The following ARHGEF28 variants were observed in gnomAD, a reference collection of about 807,000 sequenced individuals.
The protein encoded by ARHGEF28 is 190 kDa guanine nucleotide exchange factor.
In ARHGEF28, 152 loss-of-function variants were observed where a neutral mutation model predicts 206.6. The observed-to-expected ratio is 0.74, with a 90% CI of 0.64 to 0.84. The LOEUF (loss-of-function observed/expected upper bound fraction) is 0.84. Among genes scored for constraint, ARHGEF28 ranks in the 40% least tolerant of loss-of-function variants. The pLI is 0.00. For synonymous variants in ARHGEF28, 763 were observed against 776.4 expected, an observed-to-expected ratio of 0.98 and a Z score of 0.29; for missense variants, 2,028 against 2,073.2, an observed-to-expected ratio of 0.98 and a Z score of 0.42.
intron 3 of ARHGEF28, 39 bp from the exon 4 acceptor site, chr5:73,752,870 A>C: frequency 6.2e-7 from 1 of 1,609,830 alleles, no homozygotes; most frequent in South Asian, 1.1e-5. Context: ...AGCATCTCCT[A>C]CAGACTTGGG....
chr5:73,813,357 C>T (rs995333177), intron 9 of ARHGEF28: 1 of 389,748 alleles, frequency 2.6e-6, no homozygotes, highest in African/African-American at 2.2e-5. Context: ...CCCTCCTTTA[C>T]TTCCCTAGTT....
intron 14 of ARHGEF28, among the ~76,000 whole-genome samples, chr5:73,857,225 A>T (rs1327741314): frequency 6.6e-6 from 1 of 152,166 alleles, no homozygotes; most frequent in Non-Finnish European, 1.5e-5. Flanking sequence ...AATAAAATCC[A>T]GTTGCATATT....
At chr5:73,922,774 G>A (rs933617849) in intron 35 of ARHGEF28, among the ~76,000 whole-genome samples, 11 of 152,084 alleles carry the variant, frequency 7.2e-5, no homozygotes, top group Admixed American at 2.0e-4. Context: ...GGTTTTCAAA[G>A]CTGTTTTACT....
At chr5:73,810,280 A>T (rs996025881) in intron 9 of ARHGEF28, among the ~76,000 whole-genome samples, 1 of 152,222 alleles carries the variant, frequency 6.6e-6, no homozygotes. Context: ...TTATTTTCAC[A>T]TATGTCAGTT....
chr5:73,933,920 G>GT (rs398064906), intron 35 of ARHGEF28, among the ~76,000 whole-genome samples: 3,343 of 139,894 alleles, frequency 0.024, 73 homozygotes, highest in African/African-American at 0.059. Flanking sequence ...TCTCATAAAT[G>GT]TTTTTTTTTT....
intron 30 of ARHGEF28, chr5:73,898,385 A>T (rs1389343874): frequency 4.9e-6 from 1 of 205,356 alleles, no homozygotes; most frequent in Non-Finnish European, 1.0e-5. Flanking sequence ...CTCATTTTTG[A>T]TATGATTTAT....
chr5:73,693,057 C>T (rs1747942444), intron 2 of ARHGEF28, among the ~76,000 whole-genome samples: 1 of 152,232 alleles, frequency 6.6e-6, no homozygotes, highest in Non-Finnish European at 1.5e-5. Flanking sequence ...GGGAGATTGA[C>T]TGGCTTGACT....
intron 7 of ARHGEF28, among the ~76,000 whole-genome samples, chr5:73,782,148 A>AAG (rs1372191167): frequency 6.7e-6 from 1 of 150,276 alleles, no homozygotes; most frequent in Admixed American, 6.6e-5. Flanking sequence ...AAAAAAAAAA[A>AAG]GTAGTCTTGG....
intron 29 of ARHGEF28, among the ~76,000 whole-genome samples, chr5:73,897,181 C>T (rs745391616): frequency 1.3e-5 from 2 of 152,162 alleles, no homozygotes; most frequent in Admixed American, 6.5e-5. Context: ...AAACATATTC[C>T]GAATCCTAAT....
In ARHGEF28 at chr5:73,692,617, A is replaced by G. The variant is rs964351886; in HGVS notation, c.33+7733A>G. 2.6e-5 allele frequency among the ~76,000 whole-genome samples: 4 copies of G among 152,144 alleles called. No individual in the cohort carries two copies. In the South Asian group the frequency reaches 8.3e-4, roughly 32 times the overall value. On this transcript the variant is annotated intron_variant, in intron 2 of 35. Transcript: ENST00000513042. ...GAGGTAGTGGGGGAAACTCTATCCT[A>G]TTCAGCCTTTTCTAATTTCTGGATG...
intron 9 of ARHGEF28, among the ~76,000 whole-genome samples, chr5:73,812,273 T>C (rs865829865): frequency 1.3e-5 from 2 of 152,296 alleles, no homozygotes; most frequent in African/African-American, 4.8e-5. Flanking sequence ...TTACACAGCG[T>C]GGCACAGTAG....
chr5:73,924,780 G>T (rs1763708523), intron 35 of ARHGEF28, among the ~76,000 whole-genome samples: 2 of 152,260 alleles, frequency 1.3e-5, no homozygotes, highest in South Asian at 4.2e-4. Context: ...AACTTCTACT[G>T]TGCTCCTGTG....
chr5:73,671,738 A>ATTTTT (rs1172905776), intron 1 of ARHGEF28, among the ~76,000 whole-genome samples: 4 of 9,908 alleles, frequency 4.0e-4, no homozygotes, highest in Admixed American at 1.7e-3. Context: ...ATATATATAT[A>ATTTTT]TTTTTTTTTT....
intron 1 of ARHGEF28, among the ~76,000 whole-genome samples, chr5:73,629,824 C>T (rs1429504821): frequency 2.0e-5 from 3 of 152,122 alleles, no homozygotes; most frequent in Admixed American, 2.0e-4. Context: ...GAGGTGTTTT[C>T]TCTTGTTTTA....
chr5:73,848,268 T>C (rs1201632988), intron 12 of ARHGEF28, among the ~76,000 whole-genome samples: 1 of 152,144 alleles, frequency 6.6e-6, no homozygotes, highest in Non-Finnish European at 1.5e-5. Context: ...TGCATTTTCA[T>C]GTATGTTGCC....
chr5:73,794,446 G>T lies in ARHGEF28; in HGVS notation c.955G>T (p.Asp319Tyr), dbSNP rs1380746926. The T allele has an allele frequency of 2.5e-6, 4 of 1,600,392 alleles. No homozygotes were observed. The African/African-American group carries it at 5.4e-5, about 21-fold the overall frequency. ...VSSRSAAEKE[D>Y]IKRVKSLVVQ... ...CAGCAGATCAGCAGCTGAAAAGGAA[G>T]ATATAAAGGTAATGAATGACTCCCT... Residue 319 changes from aspartate to tyrosine, a missense_variant, in exon 8 of 36, where the codon GAT becomes TAT. By Grantham distance (160) the Asp-to-Tyr change is radical (BLOSUM62 -3). Transcript: ENST00000513042.
intron 11 of ARHGEF28, among the ~76,000 whole-genome samples, chr5:73,841,655 A>G (rs960775157): frequency 6.6e-6 from 1 of 151,654 alleles, no homozygotes; most frequent in African/African-American, 2.4e-5. Context: ...CAGTGAGCCA[A>G]GATGGCACCA....
At chr5:73,771,296 A>G (rs1267359643) in intron 4 of ARHGEF28, among the ~76,000 whole-genome samples, 38 of 152,232 alleles carry the variant, frequency 2.5e-4, no homozygotes, top group Non-Finnish European at 5.9e-5. Flanking sequence ...TAATCCCAGC[A>G]CTTTGGGAGG....
intron 14 of ARHGEF28, 65 bp downstream of exon 14, chr5:73,852,757 T>C: frequency 6.5e-7 from 1 of 1,528,996 alleles, no homozygotes; most frequent in Non-Finnish European, 9.1e-7. Flanking sequence ...TGTCCACACA[T>C]CATTTTTGCT....
Sources: gnomAD v4.1 joint callset for allele counts (sites outside exome capture counted in the v4.1 genomes callset) on GRCh38, gnomAD v4.1.1 for gene constraint, MANE v1.5 for transcripts, NCBI Gene and HGNC (gene_info 2026-07-23, HGNC 2026-07-21) for gene names.